The following ARHGEF12 variants were observed in gnomAD, a reference collection of about 807,000 sequenced individuals.
ARHGEF12 encodes the protein KMT2A/ARHGEF12 fusion protein.
In ARHGEF12, 66 loss-of-function variants were observed where a neutral mutation model predicts 211.2. The observed-to-expected ratio is 0.31, with a 90% confidence interval of 0.26 to 0.38. The LOEUF (loss-of-function observed/expected upper bound fraction) is 0.38, where lower values mean the gene tolerates loss of function less well. ARHGEF12 is among the 10% of genes least tolerant of loss of function. The probability of loss-of-function intolerance (pLI) is 1.00; values close to 1 mark genes in which losing one functional copy is unlikely to be tolerated. For missense variants in ARHGEF12, 1,429 were observed against 1,869.5 expected (o/e 0.76, Z 4.34); for synonymous variants, 592 against 638.4 (o/e 0.93, Z 1.09).
intron 1 of ARHGEF12, among the ~76,000 whole-genome samples, chr11:120,370,113 A>G (rs984821017): frequency 1.3e-5 from 2 of 152,206 alleles, no homozygotes; most frequent in African/African-American, 4.8e-5. Context: ...AAATATCAAT[A>G]AAAATTACTA....
intron 1 of ARHGEF12, among the ~76,000 whole-genome samples, chr11:120,379,915 A>G (rs1943832254): frequency 1.3e-5 from 2 of 152,102 alleles, no homozygotes; most frequent in South Asian, 4.1e-4. Flanking sequence ...ATTTGTGTTT[A>G]GTTTTCTTGT....
intron 1 of ARHGEF12, among the ~76,000 whole-genome samples, chr11:120,398,072 T>C (rs1367873295): frequency 1.3e-5 from 2 of 152,140 alleles, no homozygotes; most frequent in Non-Finnish European, 2.9e-5. Flanking sequence ...GAGAGAACCA[T>C]TGCTTTATAG....
intron 15 of ARHGEF12, among the ~76,000 whole-genome samples, chr11:120,443,021 C>CTT (rs371200953): frequency 0.17 from 22,148 of 133,554 alleles, 2,249 homozygotes; most frequent in Non-Finnish European, 0.21. Context: ...GAGTGACTGT[C>CTT]TTTTTTTTTT....
chr11:120,411,344 CTT>C (rs1265041599), intron 4 of ARHGEF12: 1 of 152,096 alleles, frequency 6.6e-6, no homozygotes, highest in Admixed American at 6.5e-5. Flanking sequence ...GAATAGACGT[CTT>C]TAGATTACGT....
At chr11:120,378,639 T>C (rs755622961) in intron 1 of ARHGEF12, among the ~76,000 whole-genome samples, 5 of 152,228 alleles carry the variant, frequency 3.3e-5, no homozygotes, top group Admixed American at 6.5e-5. Flanking sequence ...ATGATTCATA[T>C]CAAGTTAACA....
Position 120,392,826 on chromosome 11 carries a change from A to G in ARHGEF12, c.33-13292A>G, listed in dbSNP as rs201712149. ...CTCTCAAGAATAAGGAAATACTTTC[A>G]TAGATGCCACCAGTGAACTTTGTTT... is the stretch of plus-strand genomic sequence containing the variant. On this transcript the variant is annotated intron_variant, in intron 1 of 40. Coordinates refer to ENST00000397843, the MANE Select transcript of ARHGEF12 (RefSeq NM_015313.3). 2.4e-4 allele frequency among the ~76,000 whole-genome samples: 36 copies of G among 152,342 alleles called. No homozygotes were observed. The East Asian group carries it at 4.0e-3, about 17-fold the overall frequency.
intron 1 of ARHGEF12, among the ~76,000 whole-genome samples, chr11:120,388,377 G>A (rs1944104418): frequency 6.6e-6 from 1 of 152,082 alleles, no homozygotes; most frequent in African/African-American, 2.4e-5. Context: ...CTGTTGATGG[G>A]CATTTGGGTT....
At chr11:120,382,619 C>T (rs957182835) in intron 1 of ARHGEF12, among the ~76,000 whole-genome samples, 6 of 152,164 alleles carry the variant, frequency 3.9e-5, no homozygotes, top group African/African-American at 4.8e-5. Context: ...GTCTGATCAG[C>T]GGATGTAGTT....
At chr11:120,457,499 A>G (rs912053426) in intron 23 of ARHGEF12, 1 of 439,506 alleles carries the variant, frequency 2.3e-6, no homozygotes, top group Non-Finnish European at 3.9e-6. Context: ...TAAATAAATA[A>G]GTTGGGTGCA....
chr11:120,338,316 G>A (rs1055703380), intron 1 of ARHGEF12, among the ~76,000 whole-genome samples: 1 of 152,164 alleles, frequency 6.6e-6, no homozygotes, highest in African/African-American at 2.4e-5. Flanking sequence ...GCACAAAGTA[G>A]TCTTAATTTC....
chr11:120,381,358 C>G (rs745536996), intron 1 of ARHGEF12, among the ~76,000 whole-genome samples: 1 of 152,184 alleles, frequency 6.6e-6, no homozygotes, highest in Non-Finnish European at 1.5e-5. Context: ...CCATAAGAAA[C>G]CTGGCTCCAG....
Position 120,416,295 on chromosome 11 carries a change from A to G in ARHGEF12, c.200-4458A>G, listed in dbSNP as rs936289368. Among the ~76,000 whole-genome samples, 3 of 152,136 alleles carry G rather than the reference A, an allele frequency of 2.0e-5. No homozygotes were observed. In the East Asian group the frequency reaches 5.8e-4, roughly 29 times the overall value. On this transcript the variant is annotated intron_variant, in intron 4 of 40. Coordinates refer to ENST00000397843, the MANE Select transcript of ARHGEF12 (RefSeq NM_015313.3). ...TTTTTAAGTTTCCTTCTGTCCCAGA[A>G]TACATGCAAGGTTCTGAGATAAGAT...
At chr11:120,395,247 G>A (rs906359642) in intron 1 of ARHGEF12, among the ~76,000 whole-genome samples, 3 of 152,000 alleles carry the variant, frequency 2.0e-5, no homozygotes, top group African/African-American at 4.8e-5. Flanking sequence ...CTGTGTGTAT[G>A]TATGTGTGTG....
chr11:120,442,245 G>T, intron 15 of ARHGEF12, 43 bp downstream of exon 15: 1 of 1,445,724 alleles, frequency 6.9e-7, no homozygotes, highest in Non-Finnish European at 9.5e-7. Context: ...CTTAGTACAT[G>T]GAATTATTGT....
At chr11:120,391,150 T>A (rs139218354) in intron 1 of ARHGEF12, among the ~76,000 whole-genome samples, 2 of 152,170 alleles carry the variant, frequency 1.3e-5, no homozygotes, top group African/African-American at 2.4e-5. Flanking sequence ...AATGAATATT[T>A]TTCAGGGAAG....
chr11:120,367,549 A>G (rs1943464779), intron 1 of ARHGEF12, among the ~76,000 whole-genome samples: 1 of 151,744 alleles, frequency 6.6e-6, no homozygotes, highest in Admixed American at 6.6e-5. Context: ...TATTTTTAGT[A>G]GAGATGGGGT....
Position 120,346,289 on chromosome 11 carries a change from T to A in ARHGEF12, c.32+9014T>A, listed in dbSNP as rs73580212. On this transcript the variant is annotated intron_variant, in intron 1 of 40. Coordinates refer to ENST00000397843, the MANE Select transcript of ARHGEF12 (RefSeq NM_015313.3). ...CTTTTCTTCTTGCTTATGCTACACCTTGTCAGCTGTGGATTGACTGCAGCA... is the reference window on the plus strand; with the variant it reads ...CTTTTCTTCTTGCTTATGCTACACCATGTCAGCTGTGGATTGACTGCAGCA... 5.2e-3 allele frequency among the ~76,000 whole-genome samples: 789 copies of A among 152,366 alleles called. 9 individuals are homozygous for A. Among genetic ancestry groups the A allele is most frequent in the African/African-American group, 0.018 (743 of 41,588 alleles).
intron 12 of ARHGEF12, among the ~76,000 whole-genome samples, 157 bp downstream of exon 12, chr11:120,437,539 CAA>C (rs1481157936): frequency 2.6e-5 from 4 of 151,992 alleles, no homozygotes; most frequent in Non-Finnish European, 4.4e-5. Context: ...TTGAATAAGT[CAA>C]GAGATATTCC....
Position 120,465,378 on chromosome 11 carries a change from C to T in ARHGEF12, c.2739+16C>T. ...TTTTGTGCAAGTGAGTTGAGTGAGT[C>T]ATGTAAGAAAAAAAATAAGGCAAGT... On this transcript the variant is annotated intron_variant, in intron 28 of 40. Transcript: ENST00000397843. 1 of 1,610,428 alleles carries T rather than the reference C, an allele frequency of 6.2e-7. No individual in the cohort carries two copies. The highest frequency in any genetic ancestry group is 8.5e-7 in the Non-Finnish European group (1 of 1,178,932).
Sources: gnomAD v4.1 joint callset for allele counts (sites outside exome capture counted in the v4.1 genomes callset) on GRCh38, gnomAD v4.1.1 for gene constraint, MANE v1.5 for transcripts, NCBI Gene and HGNC (gene_info 2026-07-23, HGNC 2026-07-21) for gene names.